REEP5: variants seen among roughly 807,000 people sequenced by gnomAD.
The protein encoded by REEP5 is receptor accessory protein 5.
A neutral mutation model predicts 22.4 loss-of-function variants in REEP5; 24 were observed. That is an observed-to-expected ratio of 1.07 (90% CI 0.78 to 1.51). REEP5 has a LOEUF of 1.51. Ranked by LOEUF, REEP5 falls within the 40% of genes most tolerant of loss-of-function variation. REEP5 has a pLI of 0.00. For missense variants in REEP5, 252 were observed against 233.0 expected (o/e 1.08, Z -0.53); for synonymous variants, 103 against 88.6 (o/e 1.16, Z -0.92).
intron 4 of REEP5, among the ~76,000 whole-genome samples, chr5:112,881,704 T>A (rs894165405): frequency 1.3e-5 from 2 of 152,190 alleles, no homozygotes; most frequent in Admixed American, 6.6e-5. Context: ...ACTCTTGGGC[T>A]ACTTTGCCTT....
chr5:112,902,285 GAC>G (rs201946328), intron 3 of REEP5, 93 bp downstream of exon 3: 15,946 of 1,268,138 alleles, frequency 0.013, 145 homozygotes, highest in Middle Eastern at 0.02. Flanking sequence ...TATAATCTGA[GAC>G]AGAGCCACAG....
chr5:112,900,091 A>G (rs1463699994), intron 3 of REEP5, among the ~76,000 whole-genome samples: 2 of 152,226 alleles, frequency 1.3e-5, no homozygotes, highest in African/African-American at 2.4e-5. Context: ...GGATTTCACT[A>G]TTTTAACTCA....
intron 3 of REEP5, chr5:112,892,672 T>G (rs1395980062): frequency 1.2e-6 from 2 of 1,613,958 alleles, no homozygotes; most frequent in Admixed American, 3.3e-5. Flanking sequence ...CAATGAATTC[T>G]GGGAAGCTAA....
chr5:112,909,264 T>C (rs774845326), intron 2 of REEP5, among the ~76,000 whole-genome samples: 2 of 148,604 alleles, frequency 1.3e-5, no homozygotes, highest in Non-Finnish European at 3.0e-5. Context: ...CATTGTGTTG[T>C]TGTGAAGATT....
intron 2 of REEP5, 134 bp downstream of exon 2, chr5:112,921,029 T>G: frequency 2.5e-6 from 2 of 795,852 alleles, no homozygotes; most frequent in Non-Finnish European, 2.1e-6. Context: ...TCCCCACCCC[T>G]TATGTCCAAC....
intron 2 of REEP5, among the ~76,000 whole-genome samples, chr5:112,909,256 T>C (rs529382145): frequency 6.7e-6 from 1 of 148,324 alleles, no homozygotes; most frequent in East Asian, 2.0e-4. Context: ...ATAAGCCTCA[T>C]TGTGTTGTTG....
intron 3 of REEP5, among the ~76,000 whole-genome samples, chr5:112,898,827 CA>C (rs575207653): frequency 1.3e-5 from 2 of 151,930 alleles, no homozygotes; most frequent in Admixed American, 6.6e-5. Context: ...ATAATAAAAA[CA>C]AAAAAATCCA....
At chr5:112,910,718 TG>T (rs1769083950) in intron 2 of REEP5, among the ~76,000 whole-genome samples, 1 of 152,236 alleles carries the variant, frequency 6.6e-6, no homozygotes, top group African/African-American at 2.4e-5. Context: ...CAGATTGTCA[TG>T]GTAACACTGC....
chr5:112,922,207 C>T lies in REEP5; in HGVS notation c.-17G>A, dbSNP rs763147166. The T allele has an allele frequency of 8.7e-6, 14 of 1,601,130 alleles. No individual in the cohort carries two copies. Among genetic ancestry groups the T allele is most frequent in the Non-Finnish European group, 1.2e-5 (14 of 1,174,198 alleles). Reference sequence around the variant, plus strand: ...CGCAGACATGGCGGGGACCGTCTCGCCGCTCGGGGCTGTTCCTAGTGCCGG... The same window carrying T: ...CGCAGACATGGCGGGGACCGTCTCGTCGCTCGGGGCTGTTCCTAGTGCCGG... On this transcript the variant is annotated 5_prime_UTR_variant, in exon 1 of 5. Coordinates refer to ENST00000379638, the MANE Select transcript of REEP5 (RefSeq NM_005669.5).
intron 2 of REEP5, 88 bp downstream of exon 2, chr5:112,921,075 G>A: frequency 2.3e-6 from 3 of 1,294,490 alleles, no homozygotes; most frequent in African/African-American, 1.5e-5. Context: ...CTTTTCTCCC[G>A]GGAATTGCGG....
chr5:112,907,402 C>T (rs1400935344), intron 2 of REEP5, among the ~76,000 whole-genome samples: 2 of 152,210 alleles, frequency 1.3e-5, no homozygotes, highest in Non-Finnish European at 2.9e-5. Context: ...AAAGCCTGGC[C>T]GCCTAGGCTC....
chr5:112,888,110 C>T (rs1768316336), intron 3 of REEP5, among the ~76,000 whole-genome samples: 1 of 152,154 alleles, frequency 6.6e-6, no homozygotes, highest in Non-Finnish European at 1.5e-5. Flanking sequence ...GATTCCAAAT[C>T]AGTATTTTTT....
chr5:112,891,675 G>A, intron 3 of REEP5: 1 of 1,613,570 alleles, frequency 6.2e-7, no homozygotes, highest in Non-Finnish European at 8.5e-7. Flanking sequence ...TTCCCAAGAA[G>A]ATGACATTTC....
At chr5:112,896,592 A>G (rs1391863469) in intron 3 of REEP5, 4 of 152,208 alleles carry the variant, frequency 2.6e-5, no homozygotes, top group Non-Finnish European at 5.9e-5. Flanking sequence ...AGCACAGGTG[A>G]CAATTCAGGT....
intron 2 of REEP5, among the ~76,000 whole-genome samples, chr5:112,903,932 G>C (rs1026936780): frequency 6.6e-6 from 1 of 152,170 alleles, no homozygotes; most frequent in African/African-American, 2.4e-5. Flanking sequence ...CTGGGCTTAT[G>C]TAATTCCCTT....
At chr5:112,900,407 T>TA (rs1768814169) in intron 3 of REEP5, among the ~76,000 whole-genome samples, 1 of 152,174 alleles carries the variant, frequency 6.6e-6, no homozygotes, top group Admixed American at 6.5e-5. Context: ...ACCTCAAAGT[T>TA]AAAAAATATT....
intron 4 of REEP5, among the ~76,000 whole-genome samples, chr5:112,884,093 T>C (rs1363267244): frequency 6.6e-6 from 1 of 152,224 alleles, no homozygotes; most frequent in Non-Finnish European, 1.5e-5. Flanking sequence ...CTTCAGTCTG[T>C]TCCTAATACA....
chr5:112,883,351 C>T (rs1768135079), intron 4 of REEP5, among the ~76,000 whole-genome samples: 1 of 152,212 alleles, frequency 6.6e-6, no homozygotes, highest in African/African-American at 2.4e-5. Flanking sequence ...CTGCTCAGTT[C>T]TCAGTCCTTA....
chr5:112,921,117 A>G (rs149190), intron 2 of REEP5, 46 bp downstream of exon 2: 707,687 of 1,564,520 alleles, frequency 0.45, 164,436 homozygotes, highest in African/African-American at 0.71. Context: ...CCCTGCGGGG[A>G]GGAATGGAGG....
Sources: gnomAD v4.1 joint callset for allele counts (sites outside exome capture counted in the v4.1 genomes callset) on GRCh38, gnomAD v4.1.1 for gene constraint, MANE v1.5 for transcripts, NCBI Gene and HGNC (gene_info 2026-07-23, HGNC 2026-07-21) for gene names.